Variants in KLLN observed in about 807,000 individuals in gnomAD.
KLLN encodes killin, p53 regulated DNA replication inhibitor, also known as killin.
For missense variants in KLLN, 340 were observed against 241.3 expected, an observed-to-expected ratio of 1.41 and a Z score of -2.71; for synonymous variants, 142 against 102.2, an observed-to-expected ratio of 1.39 and a Z score of -2.35.
rs893439863 is a variant in KLLN, at chr10:87,860,300, G to C, written c.*1651C>G. 1.3e-5 allele frequency: 2 copies of C among 152,240 alleles called. No homozygotes were observed. Among genetic ancestry groups the C allele is most frequent in the African/African-American group, 4.8e-5 (2 of 41,456 alleles). The allele number at this position is 152,240 out of a possible 1,614,324, so 9.4% of individuals were successfully genotyped here. A position where few individuals can be genotyped will look rare whatever the true frequency, so the allele number is the denominator to read the frequency against. On this transcript the variant is annotated 3_prime_UTR_variant, in exon 1 of 1. Transcript: ENST00000445946. ...CTCCTAATAACCACCTGATGTTGCT[G>C]TTGGGCTGGCCAAATATCTGCCAAC...
At position 87,862,462 on chromosome 10, in the gene KLLN, G is replaced by T. The variant is rs1264771116; in HGVS notation, c.26C>A (p.Ala9Glu). 3 of 1,549,682 alleles carry T rather than the reference G, an allele frequency of 1.9e-6. No homozygotes were observed. The highest frequency in any genetic ancestry group is 2.6e-6 in the Non-Finnish European group (3 of 1,145,682). The part of the protein sequence containing the change: MDRPGPGS[A>E]RPGRTVHVWG... Reference sequence around the variant, plus strand: ...AACGTGCACGGTCCGGCCGGGGCGCGCGGAGCCTGGCCCCGGGCGATCCAT... The same window carrying T: ...AACGTGCACGGTCCGGCCGGGGCGCTCGGAGCCTGGCCCCGGGCGATCCAT... Residue 9 changes from alanine (A) to glutamate (E), a missense_variant, in exon 1 of 1, where the codon GCG (alanine) becomes GAG (glutamate). Ala to Glu is a moderately radical substitution (Grantham distance 107). Coordinates refer to ENST00000445946, the MANE Select transcript of KLLN (RefSeq NM_001126049.2).
chr10:87,862,416 C>T, the KLLN span: 4 of 1,551,638 alleles, frequency 2.6e-6, no homozygotes, highest in Non-Finnish European at 3.5e-6. Context: ...TCCGTACTTT[C>T]CACTCAACCC....
chr10:87,862,301 T>TTCG lies in KLLN; in HGVS notation c.184_186dup (p.Arg64dup), dbSNP rs1181499452. On this transcript the variant is annotated inframe_insertion, in exon 1 of 1. Coordinates refer to ENST00000445946, the MANE Select transcript of KLLN (RefSeq NM_001126049.2). ...CCAACTAGGGACACACGTGACCTCC[T>TTCG]TCGGAAAGTAGTTCCGACTGTGGCC... 1.3e-6 allele frequency: 2 copies of TTCG among 1,551,634 alleles called. No individual in the cohort carries two copies. Among genetic ancestry groups the TTCG allele is most frequent in the African/African-American group, 2.7e-5 (2 of 73,062 alleles).
At position 87,859,603 on chromosome 10, in the gene KLLN, G is replaced by A. The variant is rs189765659; in HGVS notation, c.*2348C>T. 3.9e-5 allele frequency: 6 copies of A among 152,224 alleles called. No individual in the cohort carries two copies. In the South Asian group the frequency reaches 6.2e-4, roughly 16 times the overall value. The allele number at this position is 152,224 out of a possible 1,614,324, so 9.4% of individuals were successfully genotyped here. A position where few individuals can be genotyped will look rare whatever the true frequency, so the allele number is the denominator to read the frequency against. The stretch of plus-strand genomic sequence containing the variant: ...AGTTTTGGAATCAGCTGTTAGAAGC[G>A]ATAATTAAAGCTAGTTTACCATGCT... On this transcript the variant is annotated 3_prime_UTR_variant, in exon 1 of 1. Coordinates refer to ENST00000445946, the MANE Select transcript of KLLN (RefSeq NM_001126049.2).
Position 87,862,203 on chromosome 10 carries a change from A to G in KLLN, c.285T>C (p.Ala95=). 1 of 1,551,680 alleles carries G rather than the reference A, an allele frequency of 6.4e-7. No individual in the cohort carries two copies. Among genetic ancestry groups the G allele is most frequent in the Non-Finnish European group, 8.7e-7 (1 of 1,147,000 alleles). The change falls in exon 1 of 1, where the codon GCT becomes GCC. Residue 95 remains alanine (A), a synonymous_variant. Transcript: ENST00000445946. Reference sequence around the variant, plus strand: ...GGTTCCGCTGCCTGCACCAGGCAAGAGCACCCCGAGCAAAGGAAGAAGACG... The same window carrying G: ...GGTTCCGCTGCCTGCACCAGGCAAGGGCACCCCGAGCAAAGGAAGAAGACG... ...GKSSSSFARG[A]LAWCRQRNPN...
Position 87,863,065 on chromosome 10 carries a change from C to T in KLLN, c.-578G>A, listed in dbSNP as rs559790304. The T allele has an allele frequency of 1.2e-4, 21 of 173,814 alleles. No homozygotes were observed. The highest frequency in any genetic ancestry group is 2.6e-4 in the African/African-American group (11 of 41,638). The allele number at this position is 173,814 out of a possible 1,614,324, so 10.8% of individuals were successfully genotyped here. A position where few individuals can be genotyped will look rare whatever the true frequency, so the allele number is the denominator to read the frequency against. On this transcript the variant is annotated 5_prime_UTR_variant, in exon 1 of 1. Transcript: ENST00000445946. ...CTTGCAGGGACCGTCCCTGCATTTC[C>T]CTCTACACTGAGCAGCGTGGTCACC...
rs1389966419 is a variant in KLLN, at chr10:87,863,288, G to T, written c.-801C>A. 2.8e-5 allele frequency: 7 copies of T among 252,784 alleles called. No individual in the cohort carries two copies. In the East Asian group the frequency reaches 4.8e-4, roughly 17 times the overall value. The allele number at this position is 252,784 out of a possible 1,614,324, so 15.7% of individuals were successfully genotyped here. ...CGTTGCTGCAAAAGCCGCAGCAAGT[G>T]CAGCTGCAGGCTGGCGGCTGGGAAC... On this transcript the variant is annotated 5_prime_UTR_variant, in exon 1 of 1. Coordinates refer to ENST00000445946, the MANE Select transcript of KLLN (RefSeq NM_001126049.2).
At position 87,862,367 on chromosome 10, in the gene KLLN, C is replaced by G. The variant is rs1176260711; in HGVS notation, c.121G>C (p.Gly41Arg). 1 of 1,551,648 alleles carries G rather than the reference C, an allele frequency of 6.4e-7. No homozygotes were observed. The highest frequency in any genetic ancestry group is 1.2e-5 in the South Asian group (1 of 84,066). The change falls in exon 1 of 1, where the codon GGA becomes CGA. Residue 41 changes from glycine (G) to arginine (R), a missense_variant. Physicochemically the swap from Gly to Arg is moderately radical, Grantham distance 125. Transcript: ENST00000445946. ...CTCCTTTTGAACCCTCCTAGGTCTC[C>G]TCGCCCCGCCCACTCGCTGGGCTGC... is the stretch of plus-strand genomic sequence containing the variant. ...KLQPSEWAGR[G>R]DLGGFKRRWK...
rs1064795081 is a variant in KLLN, at chr10:87,863,524, G to A, written c.-1037C>T. 3 of 385,484 alleles carry A rather than the reference G, an allele frequency of 7.8e-6. No homozygotes were observed. Among genetic ancestry groups the A allele is most frequent in the South Asian group, 1.4e-4 (1 of 7,268 alleles). The allele number at this position is 385,484 out of a possible 1,614,324, so 23.9% of individuals were successfully genotyped here. ...TCCGAGGCGCCCGGGCTCCCGGCGC[G>A]GCGGCGGAGGGGGCGGGCAGGCCGG... is the stretch of plus-strand genomic sequence containing the variant. On this transcript the variant is annotated 5_prime_UTR_variant, in exon 1 of 1. Coordinates refer to ENST00000445946, the MANE Select transcript of KLLN (RefSeq NM_001126049.2).
Position 87,863,384 on chromosome 10 carries a change from T to A in KLLN, c.-897A>T, listed in dbSNP as rs869312983. On this transcript the variant is annotated 5_prime_UTR_variant, in exon 1 of 1. Coordinates refer to ENST00000445946, the MANE Select transcript of KLLN (RefSeq NM_001126049.2). Reference sequence around the variant, plus strand: ...AGCCTGCGGCTTGGGGACTCTGCGCTCGCACCCAGAGCTACCGCTCTGCCC... The same window carrying A: ...AGCCTGCGGCTTGGGGACTCTGCGCACGCACCCAGAGCTACCGCTCTGCCC... 2.9e-6 allele frequency: 1 copy of A among 349,092 alleles called. No homozygotes were observed. Among genetic ancestry groups the A allele is most frequent in the African/African-American group, 2.1e-5 (1 of 47,072 alleles). 21.6% of individuals were successfully genotyped at this position (349,092 alleles called of 1,614,324 possible).
Position 87,859,576 on chromosome 10 carries a change from A to G in KLLN, c.*2375T>C, listed in dbSNP as rs1421968140. The G allele has an allele frequency of 3.3e-5, 5 of 152,206 alleles. No individual in the cohort carries two copies. The highest frequency in any genetic ancestry group is 3.3e-4 in the Admixed American group (5 of 15,284). The allele number at this position is 152,206 out of a possible 1,614,324, so 9.4% of individuals were successfully genotyped here. The stretch of plus-strand genomic sequence containing the variant: ...GACATTATTTTGGTGTAGTAACAAT[A>G]GAGTTTTGGAATCAGCTGTTAGAAG... On this transcript the variant is annotated 3_prime_UTR_variant, in exon 1 of 1. Transcript: ENST00000445946.
In KLLN at chr10:87,861,904, G is replaced by T; in HGVS notation, c.*47C>A. ...GCCCAGCTCCTTTTCCCACGTTTGG[G>T]AAGGCGCAGAATAGGTCGATGTAGA... is the stretch of plus-strand genomic sequence containing the variant. On this transcript the variant is annotated 3_prime_UTR_variant, in exon 1 of 1. Coordinates refer to ENST00000445946, the MANE Select transcript of KLLN (RefSeq NM_001126049.2). 1 of 1,435,922 alleles carries T rather than the reference G, an allele frequency of 7.0e-7. No individual in the cohort carries two copies. The highest frequency in any genetic ancestry group is 9.2e-7 in the Non-Finnish European group (1 of 1,089,282). 88.9% of individuals were successfully genotyped at this position (1,435,922 alleles called of 1,614,324 possible). A position where few individuals can be genotyped will look rare whatever the true frequency, so the allele number is the denominator to read the frequency against.
rs1430671105 is a variant in KLLN, at chr10:87,861,138, C to T, written c.*813G>A. ...CAAAGTTTTATGGAGCCTCAGAGGTCTCTAAGAACACTGTAAATATCCCAG... is the reference window on the plus strand; with the variant it reads ...CAAAGTTTTATGGAGCCTCAGAGGTTTCTAAGAACACTGTAAATATCCCAG... On this transcript the variant is annotated 3_prime_UTR_variant, in exon 1 of 1. Coordinates refer to ENST00000445946, the MANE Select transcript of KLLN (RefSeq NM_001126049.2). 6.6e-6 allele frequency: 1 copy of T among 152,236 alleles called. No individual in the cohort carries two copies. The highest frequency in any genetic ancestry group is 1.5e-5 in the Non-Finnish European group (1 of 68,046). 9.4% of individuals were successfully genotyped at this position (152,236 alleles called of 1,614,324 possible).
Position 87,863,283 on chromosome 10 carries a change from C to A in KLLN, c.-796G>T. 1 of 248,674 alleles carries A rather than the reference C, an allele frequency of 4.0e-6. No homozygotes were observed. The highest frequency in any genetic ancestry group is 5.7e-5 in the Admixed American group (1 of 17,468). 15.4% of individuals were successfully genotyped at this position (248,674 alleles called of 1,614,324 possible). A position where few individuals can be genotyped will look rare whatever the true frequency, so the allele number is the denominator to read the frequency against. On this transcript the variant is annotated 5_prime_UTR_variant, in exon 1 of 1. Transcript: ENST00000445946. ...CCTCGCGTTGCTGCAAAAGCCGCAG[C>A]AAGTGCAGCTGCAGGCTGGCGGCTG...
In KLLN at chr10:87,859,887, A is replaced by G. The variant is rs1013863440; in HGVS notation, c.*2064T>C. The G allele has an allele frequency of 2.6e-5, 4 of 152,062 alleles. No individual in the cohort carries two copies. The highest frequency in any genetic ancestry group is 3.4e-3 in the Middle Eastern group (1 of 298). The allele number at this position is 152,062 out of a possible 1,614,324, so 9.4% of individuals were successfully genotyped here. Reference sequence around the variant, plus strand: ...CTAAACTACAAAAAATTAGCCCGGCATGATGGTGTGCGCCTGTAGTCCCAG... The same window carrying G: ...CTAAACTACAAAAAATTAGCCCGGCGTGATGGTGTGCGCCTGTAGTCCCAG... On this transcript the variant is annotated 3_prime_UTR_variant, in exon 1 of 1. Transcript: ENST00000445946.
chr10:87,862,373 C>T lies in KLLN; in HGVS notation c.115G>A (p.Gly39Arg), dbSNP rs374921871. 2.2e-4 allele frequency: 335 copies of T among 1,551,628 alleles called. 2 individuals carry two copies. The African/African-American group carries it at 4.1e-3, about 19-fold the overall frequency. ...TTGAACCCTCCTAGGTCTCCTCGCC[C>T]CGCCCACTCGCTGGGCTGCAGCTTC... is the stretch of plus-strand genomic sequence containing the variant. ...GRKLQPSEWA[G>R]RGDLGGFKRR... The change falls in exon 1 of 1, where the codon GGG (glycine) becomes AGG (arginine). Residue 39 changes from glycine (G) to arginine (R), a missense_variant. Gly to Arg is a moderately radical substitution (Grantham distance 125, BLOSUM62 -2). Coordinates refer to ENST00000445946, the MANE Select transcript of KLLN (RefSeq NM_001126049.2).
Position 87,861,884 on chromosome 10 carries a change from GC to G in KLLN, c.*66del. On this transcript the variant is annotated 3_prime_UTR_variant, in exon 1 of 1. Transcript: ENST00000445946. Reference sequence around the variant, plus strand: ...AGAGGCCCGAGAGCCCTAGCGCCCAGCTCCTTTTCCCACGTTTGGGAAGGCG... The same window carrying G: ...AGAGGCCCGAGAGCCCTAGCGCCCAGTCCTTTTCCCACGTTTGGGAAGGCG... The G allele has an allele frequency of 7.1e-7, 1 of 1,412,386 alleles. No homozygotes were observed. Among genetic ancestry groups the G allele is most frequent in the Non-Finnish European group, 9.4e-7 (1 of 1,068,142 alleles). The allele number at this position is 1,412,386 out of a possible 1,614,324, so 87.5% of individuals were successfully genotyped here.
In KLLN at chr10:87,862,701, C is replaced by T; in HGVS notation, c.-214G>A. 1 of 585,592 alleles carries T rather than the reference C, an allele frequency of 1.7e-6. No individual in the cohort carries two copies. Among genetic ancestry groups the T allele is most frequent in the Non-Finnish European group, 3.1e-6 (1 of 320,354 alleles). 36.3% of individuals were successfully genotyped at this position (585,592 alleles called of 1,614,324 possible). A position where few individuals can be genotyped will look rare whatever the true frequency, so the allele number is the denominator to read the frequency against. On this transcript the variant is annotated 5_prime_UTR_variant, in exon 1 of 1. Transcript: ENST00000445946. ...CATTTAGATAGGTGCCCTTTGGGCCCTTGAAATTCAACGGCTATGTGTTCA... is the reference window on the plus strand; with the variant it reads ...CATTTAGATAGGTGCCCTTTGGGCCTTTGAAATTCAACGGCTATGTGTTCA...
In KLLN at chr10:87,861,892, T is replaced by C; in HGVS notation, c.*59A>G. On this transcript the variant is annotated 3_prime_UTR_variant, in exon 1 of 1. Coordinates refer to ENST00000445946, the MANE Select transcript of KLLN (RefSeq NM_001126049.2). ...GAGAGCCCTAGCGCCCAGCTCCTTT[T>C]CCCACGTTTGGGAAGGCGCAGAATA... The C allele has an allele frequency of 4.9e-6, 7 of 1,429,004 alleles. No homozygotes were observed. The highest frequency in any genetic ancestry group is 6.5e-6 in the Non-Finnish European group (7 of 1,083,252). 88.5% of individuals were successfully genotyped at this position (1,429,004 alleles called of 1,614,324 possible).
Sources: allele counts gnomAD v4.1 joint callset, GRCh38; gene constraint gnomAD v4.1.1; transcripts MANE v1.5; gene names NCBI Gene and HGNC (gene_info 2026-07-23, HGNC 2026-07-21).